Variants in SCN7A observed in about 807,000 individuals in gnomAD.
SCN7A encodes sodium voltage-gated channel alpha subunit 7.
SCN7A carries 138 observed loss-of-function variants against 155.2 expected under a neutral mutation model. That is an observed-to-expected ratio of 0.89 (90% confidence interval 0.77 to 1.02). The LOEUF (loss-of-function observed/expected upper bound fraction) is 1.02, where lower values mean the gene tolerates loss of function less well. Ranked by LOEUF, SCN7A falls within the 50% of genes least tolerant of loss-of-function variation. The pLI is 0.00. For missense variants in SCN7A, 2,058 were observed against 1,986.6 expected, an observed-to-expected ratio of 1.04 and a Z score of -0.68; for synonymous variants, 693 against 649.0, an observed-to-expected ratio of 1.07 and a Z score of -1.03.
chr2:166,458,776 T>C (rs1702341411), intron 10 of SCN7A, among the ~76,000 whole-genome samples: 1 of 152,172 alleles, frequency 6.6e-6, no homozygotes, highest in South Asian at 2.1e-4. Flanking sequence ...ATAGCCTAGG[T>C]GTATAGTAGG....
intron 13 of SCN7A, among the ~76,000 whole-genome samples, chr2:166,444,046 A>G (rs1437950109): frequency 6.6e-6 from 1 of 152,174 alleles, no homozygotes; most frequent in Non-Finnish European, 1.5e-5. Flanking sequence ...AACCTATGGA[A>G]GCTGTCCTTT....
chr2:166,408,514 A>G (rs1262011060), intron 25 of SCN7A, among the ~76,000 whole-genome samples: 2 of 151,980 alleles, frequency 1.3e-5, no homozygotes, highest in Non-Finnish European at 2.9e-5. Flanking sequence ...TTTTCCTTCC[A>G]GTTCTCTGAT....
In SCN7A at chr2:166,405,621, C is replaced by A. The variant is rs1254165386; in HGVS notation, c.5008G>T (p.Asp1670Tyr). The change falls in exon 26 of 26, where the codon GAC becomes TAC. Residue 1670 changes from aspartate to tyrosine, a missense_variant. Transcript: ENST00000643258. ...ATAGGTGACTTTTCCTTAGCTTTGT[C>A]AAAATAGGCACCTTCTTTAGTAGCA... Reference protein sequence around the residue: ...VHATKEGAYFDKAKEKSPIQS... With the variant: ...VHATKEGAYFYKAKEKSPIQS... 2.5e-6 allele frequency: 4 copies of A among 1,604,028 alleles called. No homozygotes were observed. The highest frequency in any genetic ancestry group is 3.3e-4 in the Middle Eastern group (2 of 5,980).
intron 2 of SCN7A, among the ~76,000 whole-genome samples, chr2:166,479,078 A>G (rs939252486): frequency 2.6e-5 from 4 of 152,056 alleles, no homozygotes; most frequent in African/African-American, 9.7e-5. Context: ...TGGTTTTGAT[A>G]TTGTGGCATT....
At chr2:166,428,088 C>A in intron 17 of SCN7A, 146 bp from the exon 18 acceptor site, 1 of 901,130 alleles carries the variant, frequency 1.1e-6, no homozygotes, top group South Asian at 1.8e-5. Context: ...TTAATTTTTA[C>A]CCATGGTGTA....
rs1020226348 is a variant in SCN7A, at chr2:166,403,734, T to A, written c.*1846A>T. ...ACTTTTCAAACTAAAATCAGTTTGT[T>A]GTCTTTACGCAATTTACAGAAGCAA... On this transcript the variant is annotated 3_prime_UTR_variant, in exon 26 of 26. Coordinates refer to ENST00000643258, the MANE Select transcript of SCN7A (RefSeq NM_002976.4). 2.0e-5 allele frequency: 3 copies of A among 152,034 alleles called. No individual in the cohort carries two copies. The highest frequency in any genetic ancestry group is 2.0e-4 in the Admixed American group (3 of 15,218). The allele number at this position is 152,034 out of a possible 1,614,324, so 9.4% of individuals were successfully genotyped here. A position where few individuals can be genotyped will look rare whatever the true frequency, so the allele number is the denominator to read the frequency against.
chr2:166,414,285 T>TAC lies in SCN7A; in HGVS notation c.3415-1166_3415-1165dup, dbSNP rs1187091831. The stretch of plus-strand genomic sequence containing the variant: ...ATATACACACACATATATATATATA[T>TAC]ACACACACATATATATATATATATA... On this transcript the variant is annotated intron_variant, in intron 21 of 25. Transcript: ENST00000643258. Among the ~76,000 whole-genome samples, 20 of 26,124 alleles carry TAC rather than the reference T, an allele frequency of 7.7e-4. 1 individual carries two copies. Among genetic ancestry groups the TAC allele is most frequent in the Non-Finnish European group, 1.3e-3 (18 of 13,462 alleles). The allele number at this position is 26,124 out of a possible 152,430, so 17.1% of individuals were successfully genotyped here. A position where few individuals can be genotyped will look rare whatever the true frequency, so the allele number is the denominator to read the frequency against.
chr2:166,442,195 T>C (rs1701976599), intron 14 of SCN7A, among the ~76,000 whole-genome samples: 1 of 152,208 alleles, frequency 6.6e-6, no homozygotes, highest in Admixed American at 6.5e-5. Flanking sequence ...TAAAATAACA[T>C]GTCAAAGACC....
chr2:166,470,530 T>C, intron 7 of SCN7A, 85 bp downstream of exon 7: 2 of 1,138,228 alleles, frequency 1.8e-6, no homozygotes, highest in East Asian at 5.4e-5. Context: ...CAATATTTCC[T>C]CTGAACAACA....
At chr2:166,473,978 T>C (rs1702720212) in intron 4 of SCN7A, 90 bp from the exon 5 acceptor site, 3 of 695,174 alleles carry the variant, frequency 4.3e-6, no homozygotes, top group Non-Finnish European at 6.9e-6. Flanking sequence ...TGAAAAATAT[T>C]AATCTTATTG....
intron 22 of SCN7A, 117 bp from the exon 23 acceptor site, chr2:166,412,784 G>A: frequency 7.3e-7 from 1 of 1,371,760 alleles, no homozygotes; most frequent in Non-Finnish European, 9.5e-7. Context: ...CTAAGAAACT[G>A]TTTTCTTTTT....
chr2:166,450,782 G>A lies in SCN7A; in HGVS notation c.1291-3074C>T, dbSNP rs564702228. On this transcript the variant is annotated intron_variant, in intron 11 of 25. Coordinates refer to ENST00000643258, the MANE Select transcript of SCN7A (RefSeq NM_002976.4). ...GCACTCCAGCCTGGCGACAGAGTGA[G>A]ACTCTGTCTCAAAAAAGTTCAGGAT... 4.7e-4 allele frequency among the ~76,000 whole-genome samples: 72 copies of A among 152,138 alleles called. 1 individual carries two copies. In the Middle Eastern group the frequency reaches 0.01, roughly 22 times the overall value.
intron 21 of SCN7A, 45 bp downstream of exon 21, chr2:166,416,662 T>C: frequency 1.3e-6 from 2 of 1,482,206 alleles, no homozygotes; most frequent in African/African-American, 2.8e-5. Context: ...ACCTACAATA[T>C]GGATGAATAT....
At position 166,409,520 on chromosome 2, in the gene SCN7A, T is replaced by C. The variant is rs897196178; in HGVS notation, c.3982+145A>G. On this transcript the variant is annotated intron_variant, in intron 25 of 25. Coordinates refer to ENST00000643258, the MANE Select transcript of SCN7A (RefSeq NM_002976.4). Reference sequence around the variant, plus strand: ...AAATGTGAAGCATTCCTGTTGAAAATAAAAAAAGATCTCTACCTGTTTTGC... The same window carrying C: ...AAATGTGAAGCATTCCTGTTGAAAACAAAAAAAGATCTCTACCTGTTTTGC... The C allele has an allele frequency of 8.4e-6, 5 of 595,770 alleles. No individual in the cohort carries two copies. The African/African-American group carries it at 9.6e-5, about 11-fold the overall frequency. The allele number at this position is 595,770 out of a possible 1,614,324, so 36.9% of individuals were successfully genotyped here. A position where few individuals can be genotyped will look rare whatever the true frequency, so the allele number is the denominator to read the frequency against.
chr2:166,423,360 T>G lies in SCN7A; in HGVS notation c.2926A>C (p.Thr976Pro). The G allele has an allele frequency of 6.2e-7, 1 of 1,611,892 alleles. No individual in the cohort carries two copies. Among genetic ancestry groups the G allele is most frequent in the Non-Finnish European group, 8.5e-7 (1 of 1,178,886 alleles). ...ILLEYADMIF[T>P]YIFILEMLLK... ...AGCATTTCCAGAATGAAGATATAAG[T>G]AAAGATCATGTCAGCATATTCTAAT... is the stretch of plus-strand genomic sequence containing the variant. The change falls in exon 19 of 26, where the codon ACT (threonine) becomes CCT (proline). Residue 976 changes from threonine (T) to proline (P), a missense_variant. By Grantham distance (38) the Thr-to-Pro change is conservative. Transcript: ENST00000643258.
intron 3 of SCN7A, among the ~76,000 whole-genome samples, chr2:166,475,937 T>C (rs888937188): frequency 6.6e-6 from 1 of 151,954 alleles, no homozygotes; most frequent in Non-Finnish European, 1.5e-5. Flanking sequence ...TTTGGTTTTG[T>C]CTTCAATAAC....
intron 7 of SCN7A, among the ~76,000 whole-genome samples, 162 bp downstream of exon 7, chr2:166,470,453 C>T (rs1702628401): frequency 6.6e-6 from 1 of 151,746 alleles, no homozygotes; most frequent in Non-Finnish European, 1.5e-5. Flanking sequence ...GTTTTTTCTT[C>T]TCTTTCCTGG....
chr2:166,459,174 G>A (rs1288744884), intron 10 of SCN7A, among the ~76,000 whole-genome samples: 2 of 151,926 alleles, frequency 1.3e-5, no homozygotes, highest in Non-Finnish European at 2.9e-5. Flanking sequence ...AGGAAAAAAA[G>A]CTCCCAAGAT....
chr2:166,448,631 C>G (rs954776716), intron 11 of SCN7A, among the ~76,000 whole-genome samples: 4 of 152,056 alleles, frequency 2.6e-5, no homozygotes, highest in Admixed American at 1.3e-4. Context: ...AGTTATTAAA[C>G]TGATTTAGGA....
Sources: allele counts gnomAD v4.1 joint callset (sites outside exome capture counted in the v4.1 genomes callset), GRCh38; gene constraint gnomAD v4.1.1; transcripts MANE v1.5; gene names NCBI Gene and HGNC (gene_info 2026-07-23, HGNC 2026-07-21).